Variants in ATXN1 observed in about 807,000 individuals in gnomAD.
The protein encoded by ATXN1 is ataxin 1.
A neutral mutation model predicts 56.4 loss-of-function variants in ATXN1; 8 were observed. The ratio of observed to expected loss-of-function variants is 0.14; its 90% CI spans 0.08 to 0.26. The LOEUF (loss-of-function observed/expected upper bound fraction) is 0.26, where lower values mean the gene tolerates loss of function less well. Ranked by LOEUF, ATXN1 falls within the 10% of genes least tolerant of loss-of-function variation. ATXN1 has a pLI of 1.00. For missense variants in ATXN1, 987 were observed against 1,106.5 expected (o/e 0.89, Z 1.53); for synonymous variants, 514 against 494.6 (o/e 1.04, Z -0.52).
intron 2 of ATXN1, among the ~76,000 whole-genome samples, chr6:16,731,454 CTTTT>C (rs71559655): frequency 3.3e-4 from 27 of 81,790 alleles, no homozygotes; most frequent in Middle Eastern, 9.6e-3. Flanking sequence ...TTTTTCTTTT[CTTTT>C]TTTTTTTTTT....
intron 5 of ATXN1, among the ~76,000 whole-genome samples, chr6:16,489,373 A>G (rs1219026152): frequency 6.6e-6 from 1 of 152,148 alleles, no homozygotes; most frequent in African/African-American, 2.4e-5. Context: ...GATGATGCCT[A>G]TCATCATCAT....
intron 2 of ATXN1, among the ~76,000 whole-genome samples, chr6:16,744,381 T>C (rs562759979): frequency 3.1e-4 from 47 of 152,092 alleles, no homozygotes; most frequent in African/African-American, 1.1e-3. Context: ...AAGACAGAAG[T>C]TGTAAAGACC....
At chr6:16,507,155 A>G (rs529688810) in intron 5 of ATXN1, among the ~76,000 whole-genome samples, 2 of 152,306 alleles carry the variant, frequency 1.3e-5, no homozygotes, top group East Asian at 3.9e-4. Context: ...TTTAATATGA[A>G]TTTGTCCAAT....
rs1410445174 is a variant in ATXN1 at position 16,303,748 on chromosome 6, G to T, written c.*2581C>A. 1 of 152,692 alleles carries T rather than the reference G, an allele frequency of 6.5e-6. No individual in the cohort carries two copies. Among genetic ancestry groups the T allele is most frequent in the Admixed American group, 6.5e-5 (1 of 15,296 alleles). 9.5% of individuals were successfully genotyped at this position (152,692 alleles called of 1,614,324 possible). ...AATACTCGAAGTAAGCCAAAAGGTG[G>T]TGTGTGTTTTTCTGAGTCCACATGA... is the stretch of plus-strand genomic sequence containing the variant. On this transcript the variant is annotated 3_prime_UTR_variant, in exon 8 of 8. Coordinates refer to ENST00000436367, the MANE Select transcript of ATXN1 (RefSeq NM_001128164.2). The surrounding 1 kb of genome is among the most constrained non-coding windows in gnomAD (Gnocchi z 4.3).
intron 6 of ATXN1, among the ~76,000 whole-genome samples, chr6:16,468,908 A>C (rs1760162070): frequency 6.6e-6 from 1 of 152,166 alleles, no homozygotes; most frequent in Admixed American, 6.5e-5. Context: ...GAAAAAAAAA[A>C]AAGGTAGGAC....
At chr6:16,727,387 T>C (rs562329242) in intron 2 of ATXN1, among the ~76,000 whole-genome samples, 76 of 152,308 alleles carry the variant, frequency 5.0e-4, no homozygotes, top group African/African-American at 1.8e-3. Context: ...CTGTCAATTA[T>C]TGTAACACAC....
intron 3 of ATXN1, 77 bp downstream of exon 3, chr6:16,657,699 G>T (rs925862347): frequency 6.6e-6 from 1 of 152,210 alleles, no homozygotes; most frequent in Non-Finnish European, 1.5e-5. Flanking sequence ...GCTTGAAGAA[G>T]AAGTTCTGGT....
At chr6:16,440,879 C>T (rs1759504438) in intron 6 of ATXN1, among the ~76,000 whole-genome samples, 1 of 152,116 alleles carries the variant, frequency 6.6e-6, no homozygotes, top group Non-Finnish European at 1.5e-5. Flanking sequence ...AACCTGAAGA[C>T]AGGAATGGGT....
chr6:16,511,398 C>T (rs1020892787), intron 5 of ATXN1, among the ~76,000 whole-genome samples: 1 of 152,162 alleles, frequency 6.6e-6, no homozygotes, highest in Non-Finnish European at 1.5e-5. Flanking sequence ...CTAACAACTG[C>T]AAAGATGTGG....
At chr6:16,629,414 G>A (rs372436530) in intron 3 of ATXN1, among the ~76,000 whole-genome samples, 121 of 152,054 alleles carry the variant, frequency 8.0e-4, no homozygotes, top group African/African-American at 2.8e-3. Flanking sequence ...TGCAACCTTC[G>A]CCTCCCAGGT....
intron 2 of ATXN1, among the ~76,000 whole-genome samples, chr6:16,698,670 A>G (rs1759217691): frequency 7.3e-6 from 1 of 137,442 alleles, no homozygotes; most frequent in South Asian, 2.3e-4. Context: ...AAAAAAAAAA[A>G]GATCTTCACT....
intron 2 of ATXN1, among the ~76,000 whole-genome samples, chr6:16,684,277 T>C (rs568510954): frequency 3.3e-5 from 5 of 152,320 alleles, no homozygotes; most frequent in African/African-American, 4.8e-5. Context: ...AAGTTCCTTA[T>C]TGGATTGCTT....
At chr6:16,384,800 C>A (rs996239493) in intron 6 of ATXN1, among the ~76,000 whole-genome samples, 4 of 152,204 alleles carry the variant, frequency 2.6e-5, no homozygotes, top group Admixed American at 2.6e-4. Context: ...GAGGCCTCCC[C>A]AGCCATGTTT....
At chr6:16,348,517 G>A (rs1051967527) in intron 6 of ATXN1, among the ~76,000 whole-genome samples, 1 of 152,010 alleles carries the variant, frequency 6.6e-6, no homozygotes, top group Non-Finnish European at 1.5e-5. Context: ...TGGTCAATGT[G>A]GCAAAGCCCC....
chr6:16,311,887 T>C (rs1011060912), intron 7 of ATXN1, among the ~76,000 whole-genome samples: 1 of 152,228 alleles, frequency 6.6e-6, no homozygotes, highest in African/African-American at 2.4e-5. Context: ...TGCTTATTCT[T>C]GCCCAACACC....
intron 6 of ATXN1, among the ~76,000 whole-genome samples, chr6:16,462,599 A>G (rs551788004): frequency 1.3e-5 from 2 of 152,236 alleles, no homozygotes; most frequent in South Asian, 4.2e-4. Context: ...CAAAAATCCT[A>G]ATCACATCAA....
chr6:16,429,827 G>A (rs540144669), intron 6 of ATXN1, among the ~76,000 whole-genome samples: 9 of 152,306 alleles, frequency 5.9e-5, no homozygotes, highest in African/African-American at 1.4e-4. Flanking sequence ...ACAAACGGGG[G>A]CATGGAGGCA....
At chr6:16,400,101 T>C (rs1237385901) in intron 6 of ATXN1, among the ~76,000 whole-genome samples, 1 of 152,186 alleles carries the variant, frequency 6.6e-6, no homozygotes, top group Non-Finnish European at 1.5e-5. Flanking sequence ...GGGGGCTTCC[T>C]AGACACTTGA....
intron 2 of ATXN1, among the ~76,000 whole-genome samples, chr6:16,683,344 G>A (rs909562037): frequency 2.0e-5 from 3 of 152,300 alleles, no homozygotes; most frequent in Non-Finnish European, 4.4e-5. Context: ...TCCATGGACA[G>A]TGTTCCAAAA....
Sources: allele counts gnomAD v4.1 joint callset (sites outside exome capture counted in the v4.1 genomes callset), GRCh38; gene constraint gnomAD v4.1.1; non-coding constraint Gnocchi (gnomAD v3.1); transcripts MANE v1.5; gene names NCBI Gene and HGNC (gene_info 2026-07-23, HGNC 2026-07-21).